The following ZNF362 variants were observed in gnomAD, a reference collection of about 807,000 sequenced individuals.
ZNF362 encodes rotund homolog.
Under a neutral mutation model 42.9 loss-of-function variants are expected in ZNF362, and 11 were observed. That is an observed-to-expected ratio of 0.26 (90% confidence interval 0.16 to 0.42). The LOEUF is 0.42. ZNF362 is among the 20% of genes least tolerant of loss of function. The pLI is 1.00. For synonymous variants in ZNF362, 255 were observed against 257.3 expected (o/e 0.99, Z 0.09); for missense variants, 362 against 576.2 (o/e 0.63, Z 3.81).
chr1:33,159,602 G>T, the ZNF362 span: 1 of 1,484,112 alleles, frequency 6.7e-7, no homozygotes, highest in Non-Finnish European at 9.0e-7. The surrounding 1 kb of genome is among the most constrained non-coding windows in gnomAD (Gnocchi z 4.2). Context: ...CTCTGCTAAG[G>T]ATCCCATCTG....
At chr1:33,181,480 TGA>T in the ZNF362 span, 1 of 1,525,298 alleles carries the variant, frequency 6.6e-7, no homozygotes, top group South Asian at 1.2e-5. The surrounding 1 kb of genome is among the most constrained non-coding windows in gnomAD (Gnocchi z 6.5). Context: ...GGGGGGCGGC[TGA>T]GAGAGCGCGG....
the ZNF362 span, among the ~76,000 whole-genome samples, chr1:33,191,315 T>C: frequency 1.8e-4 from 28 of 152,174 alleles, no homozygotes; most frequent in Non-Finnish European, 3.4e-4. Flanking sequence ...CTTGCCAGGA[T>C]GGTAAGTGCA....
the ZNF362 span, among the ~76,000 whole-genome samples, chr1:33,232,407 C>T: frequency 1.6e-4 from 24 of 152,230 alleles, no homozygotes; most frequent in African/African-American, 4.8e-4. Context: ...TACAGGCTCA[C>T]GCCACCATGC....
the ZNF362 span, among the ~76,000 whole-genome samples, chr1:33,129,752 A>G: frequency 6.6e-6 from 1 of 152,052 alleles, no homozygotes; most frequent in Non-Finnish European, 1.5e-5. This position sits in a 1 kb window ranked among gnomAD's most constrained non-coding sequence, Gnocchi z 4.1. Context: ...CTTTTCTACT[A>G]TTTACCCATT....
At chr1:33,238,853 C>A in the ZNF362 span, among the ~76,000 whole-genome samples, 23 of 152,266 alleles carry the variant, frequency 1.5e-4, no homozygotes, top group Middle Eastern at 3.4e-3. Flanking sequence ...GATGAAAAGC[C>A]CCCTCTGCAA....
the ZNF362 span, among the ~76,000 whole-genome samples, chr1:33,177,073 ACACACATG>A: frequency 1.4e-5 from 2 of 147,800 alleles, no homozygotes; most frequent in Non-Finnish European, 3.0e-5. This position sits in a 1 kb window ranked among gnomAD's most constrained non-coding sequence, Gnocchi z 4.1. Context: ...ACATGCACAC[ACACACATG>A]CATGCACAAA....
chr1:33,281,354 T>C lies in ZNF362; in HGVS notation c.684-233T>C, dbSNP rs1645992763. 6.6e-6 allele frequency among the ~76,000 whole-genome samples: 1 copy of C among 152,126 alleles called. No homozygotes were observed. The highest frequency in any genetic ancestry group is 2.4e-5 in the African/African-American group (1 of 41,414). ...TCAGGCCTGTCTTCCCTATGAGGTG[T>C]AACCTATGCTCCAGGCTCTGTAATG... On this transcript the variant is annotated intron_variant, in intron 5 of 8. Coordinates refer to ENST00000539719, the MANE Select transcript of ZNF362 (RefSeq NM_152493.3). The surrounding 1 kb of genome is among the most constrained non-coding windows in gnomAD (Gnocchi z 4.8).
intron 2 of ZNF362, among the ~76,000 whole-genome samples, chr1:33,271,561 G>A: frequency 6.6e-6 from 1 of 152,246 alleles, no homozygotes; most frequent in Non-Finnish European, 1.5e-5. Flanking sequence ...TGCAAACAGA[G>A]CGGGCTGTTC....
the ZNF362 span, among the ~76,000 whole-genome samples, chr1:33,179,285 C>T: frequency 6.6e-6 from 1 of 152,232 alleles, no homozygotes; most frequent in African/African-American, 2.4e-5. Context: ...GGCCTTCATC[C>T]TCAGACAGCT....
the ZNF362 span, among the ~76,000 whole-genome samples, chr1:33,230,748 C>T: frequency 1.3e-5 from 2 of 152,214 alleles, no homozygotes; most frequent in African/African-American, 4.8e-5. Flanking sequence ...AGGTTGCTGC[C>T]TGGGTTTTGC....
At chr1:33,277,825 G>A (rs898451688) in intron 4 of ZNF362, among the ~76,000 whole-genome samples, 1 of 152,154 alleles carries the variant, frequency 6.6e-6, no homozygotes, top group African/African-American at 2.4e-5. Context: ...GGTGCCAGGC[G>A]GACATCCTGG....
chr1:33,257,697 G>A (rs1645803443), intron 1 of ZNF362, among the ~76,000 whole-genome samples: 1 of 152,120 alleles, frequency 6.6e-6, no homozygotes, highest in Non-Finnish European at 1.5e-5. Context: ...GGCAAGAGGG[G>A]CTCAGAATGG....
At chr1:33,153,198 A>G in the ZNF362 span, among the ~76,000 whole-genome samples, 1 of 152,176 alleles carries the variant, frequency 6.6e-6, no homozygotes, top group Admixed American at 6.5e-5. Flanking sequence ...CACCCCTCCC[A>G]TCTGGACATA....
intron 6 of ZNF362, among the ~76,000 whole-genome samples, chr1:33,282,550 G>A (rs1034048846): frequency 6.6e-6 from 1 of 152,134 alleles, no homozygotes; most frequent in East Asian, 1.9e-4. Context: ...GGCTGGGTGC[G>A]GTGGCTCACA....
At chr1:33,159,608 A>G in the ZNF362 span, 2 of 1,507,538 alleles carry the variant, frequency 1.3e-6, no homozygotes, top group Non-Finnish European at 1.8e-6. This position sits in a 1 kb window ranked among gnomAD's most constrained non-coding sequence, Gnocchi z 4.2. Context: ...TAAGGATCCC[A>G]TCTGCCTCCA....
At chr1:33,277,869 TC>T (rs1645963328) in intron 4 of ZNF362, among the ~76,000 whole-genome samples, 1 of 152,126 alleles carries the variant, frequency 6.6e-6, no homozygotes. Flanking sequence ...ACCGGAGGCC[TC>T]CTCGGAGCTT....
chr1:33,258,538 C>T (rs1310656967), intron 1 of ZNF362, among the ~76,000 whole-genome samples: 2 of 151,992 alleles, frequency 1.3e-5, no homozygotes, highest in Non-Finnish European at 2.9e-5. Context: ...GAACTGAGGT[C>T]CAGAGAGAGG....
At chr1:33,178,566 C>T in the ZNF362 span, among the ~76,000 whole-genome samples, 14 of 152,204 alleles carry the variant, frequency 9.2e-5, no homozygotes, top group South Asian at 8.3e-4. Context: ...TATTCCAGCC[C>T]GTACTGTGTG....
the ZNF362 span, among the ~76,000 whole-genome samples, chr1:33,213,877 CAAAA>C: frequency 6.7e-6 from 1 of 149,796 alleles, no homozygotes; most frequent in Non-Finnish European, 1.5e-5. Flanking sequence ...CAAAACAAAA[CAAAA>C]AAAACAAAAC....
Sources: allele counts gnomAD v4.1 joint callset (sites outside exome capture counted in the v4.1 genomes callset), GRCh38; gene constraint gnomAD v4.1.1; non-coding constraint Gnocchi (gnomAD v3.1); transcripts MANE v1.5; gene names NCBI Gene and HGNC (gene_info 2026-07-23, HGNC 2026-07-21).